NIPAL2: variants seen among roughly 807,000 people sequenced by gnomAD.
NIPAL2 encodes the protein NIPA like domain containing 2, also known as NIPA-like protein 2.
A neutral mutation model predicts 48.9 loss-of-function variants in NIPAL2; 43 were observed. The ratio of observed to expected loss-of-function variants is 0.88; its 90% CI spans 0.69 to 1.13. The LOEUF (loss-of-function observed/expected upper bound fraction) is 1.13, where lower values mean the gene tolerates loss of function less well. Ranked by LOEUF, NIPAL2 falls within the 50% of genes most tolerant of loss-of-function variation. The pLI is 0.00. For missense variants in NIPAL2, 446 were observed against 461.4 expected (o/e 0.97, Z 0.31); for synonymous variants, 167 against 174.6 (o/e 0.96, Z 0.34).
At chr8:98,253,247 G>C (rs1409123778) in intron 2 of NIPAL2, among the ~76,000 whole-genome samples, 1 of 151,968 alleles carries the variant, frequency 6.6e-6, no homozygotes, top group African/African-American at 2.4e-5. Flanking sequence ...TACTGAATAG[G>C]GTTCAGTATT....
At chr8:98,263,306 C>A (rs919962557) in intron 1 of NIPAL2, among the ~76,000 whole-genome samples, 2 of 149,658 alleles carry the variant, frequency 1.3e-5, no homozygotes, top group African/African-American at 2.5e-5. Context: ...AATAGAGACA[C>A]AAAAGACCCT....
chr8:98,272,438 A>G (rs1468635025), intron 1 of NIPAL2, among the ~76,000 whole-genome samples: 1 of 152,226 alleles, frequency 6.6e-6, no homozygotes, highest in African/African-American at 2.4e-5. Flanking sequence ...TTTATTGAAT[A>G]CCAGTTAACT....
chr8:98,195,512 G>C (rs951106151), intron 9 of NIPAL2, among the ~76,000 whole-genome samples: 4 of 152,210 alleles, frequency 2.6e-5, no homozygotes, highest in Non-Finnish European at 5.9e-5. Flanking sequence ...AGAAAGGGAT[G>C]CTACCAACCT....
chr8:98,234,713 A>AT lies in NIPAL2; in HGVS notation c.436+1441dup, dbSNP rs33980111. ...CAAGTGCATGACACCACACCTGTCTATTTTTTTTTTTTTTTTTCAGTAGAG... is the reference window on the plus strand; with the variant it reads ...CAAGTGCATGACACCACACCTGTCTATTTTTTTTTTTTTTTTTTCAGTAGAG... On this transcript the variant is annotated intron_variant, in intron 4 of 10. Transcript: ENST00000430223. Among the ~76,000 whole-genome samples the AT allele has an allele frequency of 3.8e-3, 529 of 138,256 alleles. 3 individuals are homozygous for AT. The highest frequency in any genetic ancestry group is 0.012 in the African/African-American group (454 of 37,016). 90.7% of individuals were successfully genotyped at this position (138,256 alleles called of 152,430 possible).
chr8:98,223,019 G>A (rs1811984687), intron 4 of NIPAL2, among the ~76,000 whole-genome samples: 1 of 152,166 alleles, frequency 6.6e-6, no homozygotes, highest in South Asian at 2.1e-4. Context: ...CAGTCCAGAG[G>A]ACAGGGAAAC....
Position 98,203,105 on chromosome 8 carries a change from C to T in NIPAL2, c.880+3G>A, listed in dbSNP as rs541792304. ...CACCAATGTATAGAAAACCAAAACT[C>T]ACCTGCAATGATGGCACTGATTGTA... On this transcript the variant is annotated splice_donor_region_variant and intron_variant, in intron 8 of 10. Transcript: ENST00000430223. The T allele has an allele frequency of 9.9e-6, 16 of 1,610,762 alleles. No individual in the cohort carries two copies. The South Asian group carries it at 1.6e-4, about 17-fold the overall frequency.
intron 6 of NIPAL2, among the ~76,000 whole-genome samples, chr8:98,209,825 A>T (rs999278378): frequency 5.9e-5 from 9 of 152,130 alleles, no homozygotes; most frequent in Non-Finnish European, 1.3e-4. Flanking sequence ...TATGTCCTCA[A>T]ATAGTTGCAA....
At chr8:98,255,494 C>T (rs1185445083) in intron 1 of NIPAL2, among the ~76,000 whole-genome samples, 2 of 152,124 alleles carry the variant, frequency 1.3e-5, no homozygotes, top group Non-Finnish European at 2.9e-5. Context: ...AGCAATAAGA[C>T]ACCAAATTCC....
At chr8:98,206,326 ATATGTATG>A (rs1554561622) in intron 6 of NIPAL2, among the ~76,000 whole-genome samples, 1 of 151,194 alleles carries the variant, frequency 6.6e-6, no homozygotes, top group Non-Finnish European at 1.5e-5. Context: ...GTATATATAT[ATATGTATG>A]TATGTATGTA....
chr8:98,256,161 C>T (rs767616992), intron 1 of NIPAL2, among the ~76,000 whole-genome samples: 9 of 151,972 alleles, frequency 5.9e-5, no homozygotes, highest in Non-Finnish European at 1.3e-4. Flanking sequence ...GTAGCTGGAA[C>T]CACAGGCGTG....
chr8:98,233,191 G>T (rs1041494870), intron 4 of NIPAL2, among the ~76,000 whole-genome samples: 14 of 152,048 alleles, frequency 9.2e-5, no homozygotes, highest in African/African-American at 3.4e-4. Flanking sequence ...CTAGGAGGTG[G>T]AGGTTGCAGT....
At chr8:98,206,233 T>G (rs898989637) in intron 6 of NIPAL2, among the ~76,000 whole-genome samples, 1 of 152,164 alleles carries the variant, frequency 6.6e-6, no homozygotes, top group African/African-American at 2.4e-5. Flanking sequence ...ATACTCCTTT[T>G]GTTGCTGTTG....
intron 5 of NIPAL2, among the ~76,000 whole-genome samples, chr8:98,219,999 G>A (rs1811770405): frequency 6.6e-6 from 1 of 152,084 alleles, no homozygotes. Context: ...ATGGCAGGAG[G>A]GATATTGGAC....
In NIPAL2 at chr8:98,294,176, G is replaced by T; in HGVS notation, c.-39C>A. Reference sequence around the variant, plus strand: ...CGGCGCTCGGGCTCCGGCTCGGGCTGCGGCCGCCTCCCCGCCCTGTTGCAC... The same window carrying T: ...CGGCGCTCGGGCTCCGGCTCGGGCTTCGGCCGCCTCCCCGCCCTGTTGCAC... On this transcript the variant is annotated 5_prime_UTR_variant, in exon 1 of 11. Transcript: ENST00000430223. 7.6e-7 allele frequency: 1 copy of T among 1,316,732 alleles called. No individual in the cohort carries two copies. 81.6% of individuals were successfully genotyped at this position (1,316,732 alleles called of 1,614,324 possible).
chr8:98,234,293 T>C (rs1812599107), intron 4 of NIPAL2, among the ~76,000 whole-genome samples: 1 of 152,244 alleles, frequency 6.6e-6, no homozygotes, highest in Non-Finnish European at 1.5e-5. Flanking sequence ...TCATGGACTA[T>C]AAATTACTTG....
chr8:98,213,824 T>A (rs987054207), intron 5 of NIPAL2, among the ~76,000 whole-genome samples: 2 of 152,300 alleles, frequency 1.3e-5, no homozygotes, highest in South Asian at 4.1e-4. Flanking sequence ...CACCCCCAGC[T>A]TCAGGTTGCT....
At chr8:98,248,197 T>C (rs1353848203) in intron 3 of NIPAL2, among the ~76,000 whole-genome samples, 2 of 152,212 alleles carry the variant, frequency 1.3e-5, no homozygotes, top group East Asian at 1.9e-4. Context: ...AAATGAGCTG[T>C]GAGGATCCTA....
intron 3 of NIPAL2, among the ~76,000 whole-genome samples, chr8:98,249,078 C>A (rs1451725802): frequency 2.0e-5 from 3 of 152,116 alleles, no homozygotes; most frequent in Non-Finnish European, 4.4e-5. Context: ...TCAAGGGAAT[C>A]TCAGATGTGT....
At chr8:98,266,138 G>T (rs1449347434) in intron 1 of NIPAL2, among the ~76,000 whole-genome samples, 1 of 103,154 alleles carries the variant, frequency 9.7e-6, no homozygotes, top group Non-Finnish European at 1.8e-5. Flanking sequence ...GTTGTGGGGT[G>T]GGGGGAGGGG....
Sources: gnomAD v4.1 joint callset for allele counts (sites outside exome capture counted in the v4.1 genomes callset) on GRCh38, gnomAD v4.1.1 for gene constraint, MANE v1.5 for transcripts, NCBI Gene and HGNC (gene_info 2026-07-23, HGNC 2026-07-21) for gene names.